Variants in ZNF385D observed in about 807,000 individuals in gnomAD.
ZNF385D encodes zinc finger protein 385D.
Under a neutral mutation model 35.8 loss-of-function variants are expected in ZNF385D, and 15 were observed. The observed-to-expected ratio is 0.42, with a 90% CI of 0.28 to 0.64. ZNF385D has a LOEUF of 0.64. ZNF385D is among the 30% of genes least tolerant of loss of function. The probability of loss-of-function intolerance (pLI) is 0.23; values close to 1 mark genes in which losing one functional copy is unlikely to be tolerated. For synonymous variants in ZNF385D, 212 were observed against 186.8 expected, an observed-to-expected ratio of 1.13 and a Z score of -1.10; for missense variants, 474 against 494.6, an observed-to-expected ratio of 0.96 and a Z score of 0.39.
intron 3 of ZNF385D, among the ~76,000 whole-genome samples, chr3:22,026,821 T>C (rs965636351): frequency 1.3e-5 from 2 of 152,298 alleles, no homozygotes; most frequent in African/African-American, 4.8e-5. Context: ...ACTTGAAAGA[T>C]GCAAGGGTGG....
At chr3:21,445,571 C>A (rs1185662742) in intron 4 of ZNF385D, among the ~76,000 whole-genome samples, 1 of 152,202 alleles carries the variant, frequency 6.6e-6, no homozygotes, top group East Asian at 1.9e-4. Context: ...TGATAACAAT[C>A]ACCTCAGCAA....
chr3:21,841,894 C>T (rs1695703079), intron 3 of ZNF385D, among the ~76,000 whole-genome samples: 1 of 151,076 alleles, frequency 6.6e-6, no homozygotes, highest in African/African-American at 2.4e-5. Flanking sequence ...ACAAGTCACG[C>T]CTCAGAAATA....
At chr3:21,975,375 A>G (rs1703530834) in intron 3 of ZNF385D, among the ~76,000 whole-genome samples, 1 of 152,126 alleles carries the variant, frequency 6.6e-6, no homozygotes, top group African/African-American at 2.4e-5. Flanking sequence ...ACTCATGGAG[A>G]GAGAGAGTAA....
At chr3:22,290,952 G>C (rs1195761825) in intron 2 of ZNF385D, among the ~76,000 whole-genome samples, 2 of 151,996 alleles carry the variant, frequency 1.3e-5, no homozygotes, top group Admixed American at 6.6e-5. Context: ...TTGTTGTGCG[G>C]GCATGAGGAA....
intron 2 of ZNF385D, among the ~76,000 whole-genome samples, chr3:22,349,674 T>C (rs1695827142): frequency 6.6e-6 from 1 of 152,200 alleles, no homozygotes; most frequent in Non-Finnish European, 1.5e-5. Context: ...ATCAAGGATG[T>C]GTGACAGATA....
chr3:21,478,775 T>C (rs1263674832), intron 4 of ZNF385D, among the ~76,000 whole-genome samples: 1 of 152,082 alleles, frequency 6.6e-6, no homozygotes, highest in African/African-American at 2.4e-5. Flanking sequence ...AGTTTATGAC[T>C]ATCTTCCATA....
intron 3 of ZNF385D, among the ~76,000 whole-genome samples, chr3:22,070,192 T>C (rs902032850): frequency 3.3e-5 from 5 of 152,126 alleles, no homozygotes; most frequent in African/African-American, 1.2e-4. Flanking sequence ...TACTCACATG[T>C]TGTAATTTAA....
intron 2 of ZNF385D, among the ~76,000 whole-genome samples, chr3:22,359,045 A>AAAACAAACAAAC (rs138493725): frequency 1.4e-5 from 2 of 147,578 alleles, no homozygotes; most frequent in Non-Finnish European, 3.0e-5. Context: ...TACCCGTATT[A>AAAACAAACAAAC]AAACAAACAA....
At chr3:21,876,238 T>C (rs1273745290) in intron 3 of ZNF385D, among the ~76,000 whole-genome samples, 1 of 151,318 alleles carries the variant, frequency 6.6e-6, no homozygotes, top group Non-Finnish European at 1.5e-5. Context: ...ATCTTGTAAG[T>C]GGTAGAACTT....
intron 2 of ZNF385D, among the ~76,000 whole-genome samples, chr3:21,655,866 A>G (rs1333420351): frequency 2.6e-5 from 4 of 152,026 alleles, no homozygotes; most frequent in African/African-American, 7.2e-5. Flanking sequence ...TATCTGTATC[A>G]TTTAGATAAC....
At chr3:21,757,959 G>T in intron 3 of ZNF385D, among the ~76,000 whole-genome samples, 1 of 152,096 alleles carries the variant, frequency 6.6e-6, no homozygotes, top group South Asian at 2.1e-4. Flanking sequence ...ACCTCTGGAT[G>T]GTGCTTCCTA....
At chr3:21,972,171 G>C (rs571700801) in intron 3 of ZNF385D, among the ~76,000 whole-genome samples, 1 of 151,950 alleles carries the variant, frequency 6.6e-6, no homozygotes, top group African/African-American at 2.4e-5. Flanking sequence ...CTCAGCATAT[G>C]AATCATTCTC....
chr3:22,123,128 G>A (rs1703190840), intron 3 of ZNF385D, among the ~76,000 whole-genome samples: 1 of 152,030 alleles, frequency 6.6e-6, no homozygotes, highest in Non-Finnish European at 1.5e-5. Flanking sequence ...ATTGTTGGGA[G>A]TGATTAGAAT....
intron 1 of ZNF385D, among the ~76,000 whole-genome samples, chr3:21,697,645 A>C: frequency 6.6e-6 from 1 of 152,216 alleles, no homozygotes; most frequent in East Asian, 1.9e-4. Flanking sequence ...ACAGCAAAAG[A>C]AATAATCAAC....
At chr3:21,634,996 G>A (rs952793723) in intron 2 of ZNF385D, among the ~76,000 whole-genome samples, 6 of 152,058 alleles carry the variant, frequency 3.9e-5, no homozygotes, top group South Asian at 2.1e-4. Context: ...CCTGCTTCAA[G>A]TTTAACTGTG....
intron 2 of ZNF385D, among the ~76,000 whole-genome samples, chr3:22,372,035 G>C (rs1293518059): frequency 6.6e-6 from 1 of 152,044 alleles, no homozygotes; most frequent in Non-Finnish European, 1.5e-5. Context: ...AGCACGCCTC[G>C]CACACACCCA....
At chr3:22,352,402 G>T (rs559045397) in intron 2 of ZNF385D, among the ~76,000 whole-genome samples, 1 of 152,124 alleles carries the variant, frequency 6.6e-6, no homozygotes, top group African/African-American at 2.4e-5. Context: ...ACAATCACAC[G>T]TTATCTCTGT....
intron 2 of ZNF385D, among the ~76,000 whole-genome samples, chr3:22,265,679 A>G (rs574541395): frequency 6.6e-6 from 1 of 151,974 alleles, no homozygotes; most frequent in Non-Finnish European, 1.5e-5. Flanking sequence ...TATGAGAGGA[A>G]GGAGTGATCA....
At chr3:22,278,546 C>T (rs1156771234) in intron 2 of ZNF385D, among the ~76,000 whole-genome samples, 1 of 151,948 alleles carries the variant, frequency 6.6e-6, no homozygotes, top group African/African-American at 2.4e-5. Context: ...TTAGTTAATC[C>T]AGTTTAAAAT....
Sources: allele counts gnomAD v4.1 joint callset (sites outside exome capture counted in the v4.1 genomes callset), GRCh38; gene constraint gnomAD v4.1.1; transcripts MANE v1.5; gene names NCBI Gene and HGNC (gene_info 2026-07-23, HGNC 2026-07-21).